Variants in CACNA2D3 observed in about 807,000 individuals in gnomAD.
The protein encoded by CACNA2D3 is calcium voltage-gated channel auxiliary subunit alpha2delta 3.
A neutral mutation model predicts 160.6 loss-of-function variants in CACNA2D3; 60 were observed. The observed-to-expected ratio is 0.37, with a 90% CI of 0.30 to 0.46. CACNA2D3 has a LOEUF of 0.46. Ranked by LOEUF, CACNA2D3 falls within the 20% of genes least tolerant of loss-of-function variation. CACNA2D3 has a pLI of 1.00. For missense variants in CACNA2D3, 1,205 were observed against 1,365.0 expected, an observed-to-expected ratio of 0.88 and a Z score of 1.85; for synonymous variants, 558 against 492.9, an observed-to-expected ratio of 1.13 and a Z score of -1.75.
intron 10 of CACNA2D3, chr3:54,639,253 T>C (rs1025737590): frequency 1.3e-5 from 2 of 151,692 alleles, no homozygotes; most frequent in Admixed American, 6.6e-5. Context: ...GACTTGCCGC[T>C]AAGGGTGAAG....
intron 35 of CACNA2D3, among the ~76,000 whole-genome samples, chr3:55,051,110 A>C (rs1262474761): frequency 6.6e-6 from 1 of 152,030 alleles, no homozygotes; most frequent in Admixed American, 6.6e-5. Flanking sequence ...AGCTCGTCAA[A>C]GTCATTCTCC....
chr3:54,849,272 C>T (rs987029448), intron 17 of CACNA2D3, among the ~76,000 whole-genome samples: 1 of 152,080 alleles, frequency 6.6e-6, no homozygotes, highest in African/African-American at 2.4e-5. Context: ...CTAGCAGCCA[C>T]AGTAGCTAAA....
chr3:54,177,801 A>G (rs62251048), intron 2 of CACNA2D3: 30,968 of 151,874 alleles, frequency 0.2, 3,259 homozygotes, highest in South Asian at 0.25. Flanking sequence ...TTTGTCCCCT[A>G]TATTTATCTT....
intron 35 of CACNA2D3, among the ~76,000 whole-genome samples, chr3:55,056,249 A>G (rs1704357777): frequency 6.6e-6 from 1 of 152,164 alleles, no homozygotes; most frequent in Non-Finnish European, 1.5e-5. Flanking sequence ...TTAAAATGAC[A>G]ATGAGATATC....
At chr3:54,832,099 C>T (rs865843854) in intron 14 of CACNA2D3, among the ~76,000 whole-genome samples, 2 of 150,754 alleles carry the variant, frequency 1.3e-5, no homozygotes, top group African/African-American at 2.4e-5. Context: ...TCAGTCTCAT[C>T]GCCTCTCTGT....
intron 27 of CACNA2D3, among the ~76,000 whole-genome samples, chr3:54,957,742 C>A (rs1350373894): frequency 1.3e-5 from 2 of 152,086 alleles, no homozygotes; most frequent in Non-Finnish European, 2.9e-5. Flanking sequence ...TCCCTGGTGC[C>A]CATTGCTCCA....
chr3:55,010,920 A>G (rs1703197507), intron 34 of CACNA2D3, among the ~76,000 whole-genome samples: 1 of 152,200 alleles, frequency 6.6e-6, no homozygotes, highest in Non-Finnish European at 1.5e-5. Context: ...TGTCTTAAAC[A>G]TTGTTCTCTC....
intron 5 of CACNA2D3, among the ~76,000 whole-genome samples, chr3:54,555,563 A>AGGC (rs1214517113): frequency 6.6e-6 from 1 of 152,200 alleles, no homozygotes; most frequent in African/African-American, 2.4e-5. Context: ...GGGTTGTGGG[A>AGGC]GGCGCTCTTC....
At chr3:54,507,323 A>G (rs960075250) in intron 5 of CACNA2D3, among the ~76,000 whole-genome samples, 1 of 151,832 alleles carries the variant, frequency 6.6e-6, no homozygotes, top group Non-Finnish European at 1.5e-5. Context: ...AACCTCCTTG[A>G]TTCTTTTTGT....
intron 13 of CACNA2D3, among the ~76,000 whole-genome samples, chr3:54,790,615 A>G (rs9813975): frequency 0.28 from 43,155 of 152,054 alleles, 6,694 homozygotes; most frequent in African/African-American, 0.41. Flanking sequence ...TGATTATGCC[A>G]TTCACACCTT....
In CACNA2D3 at chr3:54,859,278, C is replaced by T. The variant is rs117563369; in HGVS notation, c.1627-12261C>T. Among the ~76,000 whole-genome samples, 57 of 152,222 alleles carry T rather than the reference C, an allele frequency of 3.7e-4. No individual in the cohort carries two copies. In the East Asian group the frequency reaches 9.7e-3, roughly 26 times the overall value. On this transcript the variant is annotated intron_variant, in intron 17 of 37. Transcript: ENST00000474759. ...GGCTCTTTGGCACAATAATTTAATC[C>T]GTATCACACCACTGCACTGAGCATT... is the stretch of plus-strand genomic sequence containing the variant.
chr3:54,865,892 C>G (rs1175937822), intron 17 of CACNA2D3, among the ~76,000 whole-genome samples: 1 of 152,152 alleles, frequency 6.6e-6, no homozygotes, highest in Non-Finnish European at 1.5e-5. Context: ...AAGCTGAGTG[C>G]CCGTACCTCC....
chr3:54,774,811 T>G (rs1237524863), intron 13 of CACNA2D3, among the ~76,000 whole-genome samples: 1 of 151,770 alleles, frequency 6.6e-6, no homozygotes, highest in African/African-American at 2.4e-5. Context: ...ACTTTTTGTA[T>G]TTTTAGTAGA....
intron 3 of CACNA2D3, among the ~76,000 whole-genome samples, chr3:54,331,296 A>T (rs1704246469): frequency 6.6e-6 from 1 of 152,220 alleles, no homozygotes; most frequent in Non-Finnish European, 1.5e-5. Context: ...AGCAATCAGC[A>T]TCAGCATGAA....
At chr3:54,347,478 A>T (rs1225935213) in intron 3 of CACNA2D3, among the ~76,000 whole-genome samples, 2 of 152,206 alleles carry the variant, frequency 1.3e-5, no homozygotes, top group Admixed American at 1.3e-4. Flanking sequence ...GCAACTTAAG[A>T]TGATGCCTCA....
chr3:54,678,762 GTTAA>G (rs924511166), intron 11 of CACNA2D3, among the ~76,000 whole-genome samples: 8 of 126,640 alleles, frequency 6.3e-5, no homozygotes, highest in African/African-American at 2.0e-4. Flanking sequence ...TGATGATCAA[GTTAA>G]TTAATTGCAT....
chr3:54,704,663 A>G (rs191025328), intron 11 of CACNA2D3, among the ~76,000 whole-genome samples: 15 of 152,236 alleles, frequency 9.9e-5, no homozygotes, highest in Admixed American at 2.6e-4. Flanking sequence ...CTTTAACAAG[A>G]GGTGTTTAGG....
intron 5 of CACNA2D3, among the ~76,000 whole-genome samples, chr3:54,545,648 T>C (rs1702049189): frequency 6.6e-6 from 1 of 152,210 alleles, no homozygotes; most frequent in Non-Finnish European, 1.5e-5. Flanking sequence ...ACAAATTTCT[T>C]GTACAACAAT....
chr3:54,374,549 T>C (rs1698976814), intron 3 of CACNA2D3, among the ~76,000 whole-genome samples: 1 of 152,208 alleles, frequency 6.6e-6, no homozygotes, highest in Non-Finnish European at 1.5e-5. Flanking sequence ...TGTGCTTGTA[T>C]TGCCTGGTCT....
Sources: gnomAD v4.1 joint callset for allele counts (sites outside exome capture counted in the v4.1 genomes callset) on GRCh38, gnomAD v4.1.1 for gene constraint, MANE v1.5 for transcripts, NCBI Gene and HGNC (gene_info 2026-07-23, HGNC 2026-07-21) for gene names.